Variants in CDH12 observed in about 807,000 individuals in gnomAD.
The protein encoded by CDH12 is cadherin 12, also known as cadherin-12.
CDH12 carries 41 observed loss-of-function variants against 74.1 expected under a neutral mutation model. The ratio of observed to expected loss-of-function variants is 0.55; its 90% CI spans 0.43 to 0.72. The LOEUF (loss-of-function observed/expected upper bound fraction) is 0.72, where lower values mean the gene tolerates loss of function less well. Among genes scored for constraint, CDH12 ranks in the 30% least tolerant of loss-of-function variants. CDH12 has a pLI of 0.00. For missense variants in CDH12, 945 were observed against 977.2 expected (o/e 0.97, Z 0.44); for synonymous variants, 399 against 355.0 (o/e 1.12, Z -1.39).
chr5:21,941,803 GCTGA>G (rs1755341807), intron 6 of CDH12, among the ~76,000 whole-genome samples: 2 of 130,206 alleles, frequency 1.5e-5, no homozygotes, highest in African/African-American at 8.7e-5. Flanking sequence ...GAACTGTGTG[GCTGA>G]CTTTTTTTTT....
At chr5:22,385,083 A>C (rs972584140) in intron 3 of CDH12, among the ~76,000 whole-genome samples, 2 of 152,202 alleles carry the variant, frequency 1.3e-5, no homozygotes, top group African/African-American at 2.4e-5. Context: ...GCAAATCATA[A>C]AAATTAAATG....
intron 3 of CDH12, among the ~76,000 whole-genome samples, chr5:22,300,839 T>C (rs1328427711): frequency 6.6e-6 from 1 of 152,216 alleles, no homozygotes; most frequent in East Asian, 1.9e-4. Context: ...CAATAGCATT[T>C]GTAACTTTAT....
chr5:22,317,082 C>A lies in CDH12; in HGVS notation c.-333+88175G>T, dbSNP rs138418974. On this transcript the variant is annotated intron_variant, in intron 3 of 14. Transcript: ENST00000382254. The stretch of plus-strand genomic sequence containing the variant: ...CCTGTAATCCTAGCACTTTGGGAGA[C>A]CGAGGTGGGCAGATCACCCGAGCTC... Among the ~76,000 whole-genome samples, 1,251 of 152,126 alleles carry A rather than the reference C, an allele frequency of 8.2e-3. 6 individuals are homozygous for A. Among genetic ancestry groups the A allele is most frequent in the Non-Finnish European group, 0.012 (799 of 68,000 alleles).
chr5:22,479,901 G>A (rs1266304955), intron 2 of CDH12, among the ~76,000 whole-genome samples: 1 of 152,072 alleles, frequency 6.6e-6, no homozygotes, highest in Non-Finnish European at 1.5e-5. Flanking sequence ...TAAATTCTCA[G>A]TCTACTGTGA....
intron 3 of CDH12, among the ~76,000 whole-genome samples, chr5:22,381,290 C>T (rs562928374): frequency 6.6e-6 from 1 of 151,878 alleles, no homozygotes; most frequent in African/African-American, 2.4e-5. Context: ...AAAAATTATG[C>T]CTTTGATCTG....
At chr5:22,292,773 C>A (rs1737450349) in intron 3 of CDH12, among the ~76,000 whole-genome samples, 1 of 152,048 alleles carries the variant, frequency 6.6e-6, no homozygotes, top group African/African-American at 2.4e-5. Context: ...TGTAGAAAAA[C>A]AAGAATCCTA....
chr5:22,661,047 T>A (rs867310142), intron 1 of CDH12, among the ~76,000 whole-genome samples: 1 of 152,192 alleles, frequency 6.6e-6, no homozygotes, highest in South Asian at 2.1e-4. Context: ...TCTGTAGATC[T>A]TGCATTAGAA....
intron 1 of CDH12, among the ~76,000 whole-genome samples, chr5:22,644,331 G>C (rs574294058): frequency 4.1e-3 from 628 of 152,168 alleles, no homozygotes; most frequent in Middle Eastern, 0.01. Flanking sequence ...GTGAACACAT[G>C]AGTAATAAGA....
chr5:22,155,005 AC>A (rs2150314294), intron 4 of CDH12, among the ~76,000 whole-genome samples: 1 of 152,222 alleles, frequency 6.6e-6, no homozygotes, highest in Admixed American at 6.5e-5. Context: ...CTCTTGCCTC[AC>A]TATCAGTCAG....
At chr5:21,830,750 C>G (rs1049813136) in intron 8 of CDH12, among the ~76,000 whole-genome samples, 22 of 151,906 alleles carry the variant, frequency 1.4e-4, no homozygotes, top group Non-Finnish European at 4.4e-5. Flanking sequence ...TAAAAATACT[C>G]ACAGAGGCCA....
intron 5 of CDH12, among the ~76,000 whole-genome samples, chr5:21,995,234 A>T (rs1338865061): frequency 6.6e-6 from 1 of 151,656 alleles, no homozygotes; most frequent in Non-Finnish European, 1.5e-5. Context: ...CCAATTCCAG[A>T]CACAAAATGT....
At chr5:21,970,255 T>A (rs1482277118) in intron 6 of CDH12, among the ~76,000 whole-genome samples, 2 of 152,192 alleles carry the variant, frequency 1.3e-5, no homozygotes, top group African/African-American at 4.8e-5. Flanking sequence ...ACATTCTGTC[T>A]TCAAGCTTCT....
intron 3 of CDH12, among the ~76,000 whole-genome samples, chr5:22,317,027 A>G (rs1738661836): frequency 1.3e-5 from 2 of 152,154 alleles, no homozygotes; most frequent in African/African-American, 4.8e-5. Context: ...CTATTTCACT[A>G]GATAGATTAA....
chr5:21,835,861 C>A (rs1749501654), intron 8 of CDH12, among the ~76,000 whole-genome samples: 1 of 151,688 alleles, frequency 6.6e-6, no homozygotes, highest in Non-Finnish European at 1.5e-5. Context: ...ATAGTTTTAA[C>A]TGAATAAATG....
chr5:22,842,965 C>T (rs1200693700), intron 1 of CDH12, among the ~76,000 whole-genome samples: 2 of 151,930 alleles, frequency 1.3e-5, no homozygotes, highest in African/African-American at 2.4e-5. Context: ...AAGGCAGGTG[C>T]ATTTTTTTGG....
At chr5:22,527,028 C>A (rs1465203112) in intron 1 of CDH12, among the ~76,000 whole-genome samples, 2 of 152,148 alleles carry the variant, frequency 1.3e-5, no homozygotes, top group African/African-American at 4.8e-5. Flanking sequence ...TAAGCTCTTA[C>A]TCTGACTGGT....
At chr5:22,152,401 A>G (rs891949293) in intron 4 of CDH12, 1 of 152,232 alleles carries the variant, frequency 6.6e-6, no homozygotes, top group Non-Finnish European at 1.5e-5. Flanking sequence ...TCAGGAAGAC[A>G]GATGAAATGA....
chr5:22,247,332 C>A (rs933476769), intron 3 of CDH12, among the ~76,000 whole-genome samples: 2 of 151,998 alleles, frequency 1.3e-5, no homozygotes, highest in African/African-American at 4.8e-5. Context: ...AAAGCTTCAT[C>A]ATGCTTCACG....
intron 3 of CDH12, among the ~76,000 whole-genome samples, chr5:22,353,565 T>C (rs1026345528): frequency 6.6e-6 from 1 of 152,140 alleles, no homozygotes; most frequent in African/African-American, 2.4e-5. Flanking sequence ...TTTATTATTT[T>C]AAATATATAG....
Sources: gnomAD v4.1 joint callset for allele counts (sites outside exome capture counted in the v4.1 genomes callset) on GRCh38, gnomAD v4.1.1 for gene constraint, MANE v1.5 for transcripts, NCBI Gene and HGNC (gene_info 2026-07-23, HGNC 2026-07-21) for gene names.